CUL1: variants seen among roughly 807,000 people sequenced by gnomAD.
CUL1 encodes cullin-1.
Under a neutral mutation model 118.0 loss-of-function variants are expected in CUL1, and 24 were observed. The ratio of observed to expected loss-of-function variants is 0.20; its 90% CI spans 0.15 to 0.29. The LOEUF (loss-of-function observed/expected upper bound fraction) is 0.29, where lower values mean the gene tolerates loss of function less well. Among genes scored for constraint, CUL1 ranks in the 10% least tolerant of loss-of-function variants. The probability of loss-of-function intolerance (pLI) is 1.00; values close to 1 mark genes in which losing one functional copy is unlikely to be tolerated. For missense variants in CUL1, 361 were observed against 933.8 expected (o/e 0.39, Z 7.99); for synonymous variants, 332 against 340.4 (o/e 0.98, Z 0.27).
chr7:148,740,143 C>T (rs977017747), intron 2 of CUL1, among the ~76,000 whole-genome samples: 9 of 151,712 alleles, frequency 5.9e-5, no homozygotes, highest in Non-Finnish European at 8.8e-5. Flanking sequence ...ATCTCCACCT[C>T]GCAGGTTCAA....
intron 1 of CUL1, among the ~76,000 whole-genome samples, chr7:148,703,126 T>C (rs1178339108): frequency 6.6e-6 from 1 of 152,198 alleles, no homozygotes; most frequent in African/African-American, 2.4e-5. Context: ...TTGACTAGTT[T>C]ATGTGAAGAT....
chr7:148,753,757 C>T (rs759821861), intron 2 of CUL1, among the ~76,000 whole-genome samples: 13 of 152,146 alleles, frequency 8.5e-5, no homozygotes, highest in East Asian at 7.7e-4. Flanking sequence ...TCCACCTTGG[C>T]GGTGTTGCTC....
chr7:148,776,396 AACCTCC>A (rs1287824114), intron 9 of CUL1, among the ~76,000 whole-genome samples: 1 of 129,394 alleles, frequency 7.7e-6, no homozygotes, highest in Non-Finnish European at 1.5e-5. Flanking sequence ...GGCTCACTGC[AACCTCC>A]ACCTCCCAGG....
In CUL1 at chr7:148,767,738, G is replaced by T. The variant is rs148771366; in HGVS notation, c.1072G>T (p.Ala358Ser). The change falls in exon 9 of 22, where the codon GCT becomes TCT. Residue 358 changes from alanine (A) to serine (S), a missense_variant. By Grantham distance (99) the Ala-to-Ser change is moderately conservative (BLOSUM62 1). This residue lies in a region of CUL1 where 169 missense variants were observed against 429.7 expected (regional missense o/e 0.39). Coordinates refer to ENST00000325222, the MANE Select transcript of CUL1 (RefSeq NM_003592.3). ...GLAAIEKCGE[A>S]ALNDPKMYVQ... is the part of the protein sequence containing the mutation. ...TGCAGCCATTGAAAAGTGTGGAGAA[G>T]CTGCTTTAAATGTAAGTGAGATTTC... is the stretch of plus-strand genomic sequence containing the variant. 6.2e-7 allele frequency: 1 copy of T among 1,612,422 alleles called. No homozygotes were observed. Among genetic ancestry groups the T allele is most frequent in the African/African-American group, 1.3e-5 (1 of 74,836 alleles).
intron 9 of CUL1, among the ~76,000 whole-genome samples, chr7:148,772,302 C>G (rs1229816950): frequency 6.6e-6 from 1 of 152,086 alleles, no homozygotes; most frequent in Non-Finnish European, 1.5e-5. Flanking sequence ...GTAATCCCAG[C>G]TACTCCAGAG....
intron 9 of CUL1, among the ~76,000 whole-genome samples, chr7:148,770,483 G>A (rs1037176817): frequency 6.6e-6 from 1 of 152,186 alleles, no homozygotes; most frequent in Non-Finnish European, 1.5e-5. Context: ...TAATTGTTGT[G>A]CTTATGAAGT....
intron 9 of CUL1, among the ~76,000 whole-genome samples, chr7:148,769,891 C>T (rs1346806820): frequency 6.6e-6 from 1 of 152,080 alleles, no homozygotes; most frequent in Non-Finnish European, 1.5e-5. Context: ...AAAAAAAAAG[C>T]ATTATAAATT....
intron 17 of CUL1, among the ~76,000 whole-genome samples, chr7:148,796,662 C>T (rs1205815633): frequency 6.6e-6 from 1 of 152,106 alleles, no homozygotes; most frequent in Non-Finnish European, 1.5e-5. Flanking sequence ...TGTGGACTGT[C>T]AGGTCTTTGC....
At chr7:148,767,843 G>T in intron 9 of CUL1, 94 bp downstream of exon 9, 1 of 1,260,556 alleles carries the variant, frequency 7.9e-7, no homozygotes, top group South Asian at 1.4e-5. Flanking sequence ...AAATCTAAAT[G>T]GTACCATTTT....
Position 148,754,056 on chromosome 7 carries a change from A to G in CUL1, c.221A>G (p.Lys74Arg). The G allele has an allele frequency of 1.2e-6, 2 of 1,613,228 alleles. No individual in the cohort carries two copies. Among genetic ancestry groups the G allele is most frequent in the African/African-American group, 2.7e-5 (2 of 75,022 alleles). ...GGAGTTCCTCCTTCTAAGTCGAAAA[A>G]GGGGCAGACACCTGGAGGAGCTCAG... ...GAGVPPSKSK[K>R]GQTPGGAQFV... The change falls in exon 3 of 22, where the codon AAG (lysine) becomes AGG (arginine). Residue 74 changes from lysine to arginine, a missense_variant. Physicochemically the swap from Lys to Arg is conservative, Grantham distance 26. Transcript: ENST00000325222.
chr7:148,728,436 G>T (rs1057096221), intron 1 of CUL1, among the ~76,000 whole-genome samples: 4 of 152,168 alleles, frequency 2.6e-5, no homozygotes, highest in African/African-American at 9.7e-5. Context: ...GGAAAGTAGG[G>T]TAGGTCCAAA....
At chr7:148,737,146 A>G (rs2129459805) in intron 2 of CUL1, among the ~76,000 whole-genome samples, 1 of 152,188 alleles carries the variant, frequency 6.6e-6, no homozygotes, top group East Asian at 1.9e-4. Context: ...GTCTTAAAGT[A>G]AGACCCTGTA....
chr7:148,772,436 A>AC (rs56129727), intron 9 of CUL1, among the ~76,000 whole-genome samples: 13 of 150,898 alleles, frequency 8.6e-5, no homozygotes, highest in African/African-American at 2.0e-4. Flanking sequence ...AAAAAAAAAA[A>AC]CCCACACATT....
At chr7:148,704,372 AGT>A (rs1797818460) in intron 1 of CUL1, among the ~76,000 whole-genome samples, 1 of 152,218 alleles carries the variant, frequency 6.6e-6, no homozygotes, top group Non-Finnish European at 1.5e-5. Context: ...TGCTAGAAAG[AGT>A]GTAATTTAAT....
At chr7:148,759,661 A>T (rs2129460521) in intron 6 of CUL1, 23 bp downstream of exon 6, 2 of 1,431,342 alleles carry the variant, frequency 1.4e-6, no homozygotes, top group African/African-American at 1.4e-5. Context: ...CCTTTAGTTT[A>T]TTCAAAGTTT....
At chr7:148,741,152 A>T (rs960844520) in intron 2 of CUL1, among the ~76,000 whole-genome samples, 2 of 147,758 alleles carry the variant, frequency 1.4e-5, no homozygotes, top group Admixed American at 1.3e-4. Flanking sequence ...TCCATTCATC[A>T]GGTGATGGAC....
intron 9 of CUL1, among the ~76,000 whole-genome samples, chr7:148,774,454 C>T (rs1048235014): frequency 6.6e-6 from 1 of 152,180 alleles, no homozygotes; most frequent in Non-Finnish European, 1.5e-5. Context: ...GGAGAAGGGT[C>T]AAATAATGCA....
Position 148,759,337 on chromosome 7 carries a change from A to C in CUL1, c.517A>C (p.Arg173=), listed in dbSNP as rs147531209. The C allele has an allele frequency of 2.3e-4, 372 of 1,614,062 alleles. No homozygotes were observed. In the African/African-American group the frequency reaches 4.5e-3, roughly 19 times the overall value. The change falls in exon 5 of 22, where the codon AGG becomes CGG. Residue 173 remains arginine (R), a synonymous_variant. Coordinates refer to ENST00000325222, the MANE Select transcript of CUL1 (RefSeq NM_003592.3). ...ALVTWRDCLF[R]PLNKQVTNAV... ...GGTGACTTGGAGAGACTGTCTGTTC[A>C]GGCCACTGAATAAACAGGTACCTAC...
At chr7:148,728,029 A>G (rs1798642413) in intron 1 of CUL1, among the ~76,000 whole-genome samples, 1 of 152,128 alleles carries the variant, frequency 6.6e-6, no homozygotes, top group Non-Finnish European at 1.5e-5. Flanking sequence ...ATTGGAATCT[A>G]GTTTAGACAA....
Sources: allele counts gnomAD v4.1 joint callset (sites outside exome capture counted in the v4.1 genomes callset), GRCh38; gene constraint gnomAD v4.1.1; regional missense constraint gnomAD v4.1.1; transcripts MANE v1.5; gene names NCBI Gene and HGNC (gene_info 2026-07-23, HGNC 2026-07-21).